ZFP30: variants seen among roughly 807,000 people sequenced by gnomAD.
ZFP30 encodes zinc finger protein 30 homolog.
A neutral mutation model predicts 12.3 loss-of-function variants in ZFP30; 16 were observed. The observed-to-expected ratio is 1.30, with a 90% confidence interval of 0.88 to 1.98. ZFP30 has a LOEUF of 1.98. Among genes scored for constraint, ZFP30 ranks in the 30% most tolerant of loss-of-function variants. The pLI is 0.00. For synonymous variants in ZFP30, 172 were observed against 201.0 expected (o/e 0.86, Z 1.22); for missense variants, 560 against 611.2 (o/e 0.92, Z 0.88).
chr19:37,641,454 A>C (rs1463178151), intron 5 of ZFP30, among the ~76,000 whole-genome samples: 1 of 152,216 alleles, frequency 6.6e-6, no homozygotes, highest in African/African-American at 2.4e-5. Context: ...AAAAACCTTT[A>C]TAACAGAGCA....
intron 5 of ZFP30, among the ~76,000 whole-genome samples, chr19:37,637,853 CTCTT>C: frequency 6.6e-6 from 1 of 152,274 alleles, no homozygotes; most frequent in East Asian, 1.9e-4. Flanking sequence ...ACTTATTATT[CTCTT>C]TATTTTCTTA....
Position 37,635,368 on chromosome 19 carries a change from A to G in ZFP30, c.1173T>C (p.Phe391=), listed in dbSNP as rs773142326. Residue 391 remains phenylalanine (F), a synonymous_variant, in exon 6 of 6, where the codon TTT becomes TTC. Coordinates refer to ENST00000684514, the MANE Select transcript of ZFP30 (RefSeq NM_001320669.3). ...PYECKECQKF[F]RRYSELISHQ... ...GTGAAATAAGTTCTGAGTAACGACGAAAGAACTTCTGACATTCCTTACATT... is the reference window on the plus strand; with the variant it reads ...GTGAAATAAGTTCTGAGTAACGACGGAAGAACTTCTGACATTCCTTACATT... 61 of 1,613,934 alleles carry G rather than the reference A, an allele frequency of 3.8e-5. No individual in the cohort carries two copies. Among genetic ancestry groups the G allele is most frequent in the Non-Finnish European group, 4.9e-5 (58 of 1,180,020 alleles).
intron 5 of ZFP30, among the ~76,000 whole-genome samples, chr19:37,638,596 G>C (rs12459013): frequency 0.17 from 26,576 of 152,096 alleles, 2,544 homozygotes; most frequent in Middle Eastern, 0.3. Flanking sequence ...GTTCATCAAT[G>C]GAAGAACAGC....
chr19:37,638,919 T>C (rs2044381803), intron 5 of ZFP30, among the ~76,000 whole-genome samples: 1 of 152,180 alleles, frequency 6.6e-6, no homozygotes, highest in Non-Finnish European at 1.5e-5. Context: ...GTGGTCACTG[T>C]GACAATTCAC....
In ZFP30 at chr19:37,634,923, C is replaced by A; in HGVS notation, c.*58G>T. 2 of 1,467,896 alleles carry A rather than the reference C, an allele frequency of 1.4e-6. No individual in the cohort carries two copies. Among genetic ancestry groups the A allele is most frequent in the Non-Finnish European group, 1.8e-6 (2 of 1,112,406 alleles). The allele number at this position is 1,467,896 out of a possible 1,614,324, so 90.9% of individuals were successfully genotyped here. A position where few individuals can be genotyped will look rare whatever the true frequency, so the allele number is the denominator to read the frequency against. ...ATTCCCACGTTCAAAAACCTTTCCT[C>A]TAGAATGTACTTCCTATGCTCAACA... is the stretch of plus-strand genomic sequence containing the variant. On this transcript the variant is annotated 3_prime_UTR_variant, in exon 6 of 6. Transcript: ENST00000684514.
intron 2 of ZFP30, among the ~76,000 whole-genome samples, chr19:37,649,738 C>T (rs903016620): frequency 6.6e-6 from 1 of 150,588 alleles, no homozygotes; most frequent in Non-Finnish European, 1.5e-5. Context: ...GTGGGAGGAT[C>T]GCCTGAGCCC....
rs2044283600 is a variant in ZFP30, at chr19:37,634,570, A to T, written c.*411T>A. The stretch of plus-strand genomic sequence containing the variant: ...GAATTTTCTAATAAAGAAGAACTTT[A>T]CCTCCTTAACTTCTGGTTGCCCTGA... On this transcript the variant is annotated 3_prime_UTR_variant, in exon 6 of 6. Transcript: ENST00000684514. The T allele has an allele frequency of 6.3e-6, 1 of 158,920 alleles. No individual in the cohort carries two copies. Among genetic ancestry groups the T allele is most frequent in the South Asian group, 2.0e-4 (1 of 4,896 alleles). 9.8% of individuals were successfully genotyped at this position (158,920 alleles called of 1,614,324 possible).
intron 5 of ZFP30, among the ~76,000 whole-genome samples, chr19:37,638,535 G>A (rs953491583): frequency 1.3e-5 from 2 of 152,182 alleles, no homozygotes; most frequent in African/African-American, 4.8e-5. Context: ...GTTAGAGTTA[G>A]GGTTAAAGCA....
At chr19:37,641,070 C>G (rs2044425272) in intron 5 of ZFP30, among the ~76,000 whole-genome samples, 1 of 152,156 alleles carries the variant, frequency 6.6e-6, no homozygotes, top group African/African-American at 2.4e-5. Flanking sequence ...GCCATTTCAC[C>G]AAGGAACCAG....
In ZFP30 at chr19:37,634,580, C is replaced by T. The variant is rs2044283815; in HGVS notation, c.*401G>A. ...ATAAAGAAGAACTTTACCTCCTTAA[C>T]TTCTGGTTGCCCTGAAATACAGTTC... is the stretch of plus-strand genomic sequence containing the variant. On this transcript the variant is annotated 3_prime_UTR_variant, in exon 6 of 6. Transcript: ENST00000684514. 1 of 161,042 alleles carries T rather than the reference C, an allele frequency of 6.2e-6. No homozygotes were observed. Among genetic ancestry groups the T allele is most frequent in the Non-Finnish European group, 1.3e-5 (1 of 74,562 alleles). The allele number at this position is 161,042 out of a possible 1,614,324, so 10.0% of individuals were successfully genotyped here.
rs777936388 is a variant in ZFP30 at position 37,635,544 on chromosome 19, T to C, written c.997A>G (p.Lys333Glu). 2 of 1,614,164 alleles carry C rather than the reference T, an allele frequency of 1.2e-6. No homozygotes were observed. The highest frequency in any genetic ancestry group is 1.7e-6 in the Non-Finnish European group (2 of 1,180,032). Residue 333 changes from lysine (K) to glutamate (E), a missense_variant, in exon 6 of 6, where the codon AAG becomes GAG. Physicochemically the swap from Lys to Glu is moderately conservative, Grantham distance 56 (BLOSUM62 1). Coordinates refer to ENST00000684514, the MANE Select transcript of ZFP30 (RefSeq NM_001320669.3). ...AGTTGCTGCCGCACTCTAAAGGCCT[T>C]TCCACACTCCTTACATTCATAGGGT... Reference protein sequence around the residue: ...EKPYECKECGKAFRVRQQLTL... With the variant: ...EKPYECKECGEAFRVRQQLTL...
chr19:37,636,953 C>T (rs2044340479), intron 5 of ZFP30, among the ~76,000 whole-genome samples: 3 of 151,944 alleles, frequency 2.0e-5, no homozygotes, highest in Admixed American at 6.6e-5. Flanking sequence ...TCAAGTGATC[C>T]GCCTGCCTCG....
chr19:37,643,115 G>T, intron 5 of ZFP30, 150 bp downstream of exon 5: 11 of 497,908 alleles, frequency 2.2e-5, no homozygotes, highest in East Asian at 3.7e-5. Context: ...TGGATGAAAT[G>T]TCTTTGATGG....
chr19:37,644,568 T>A, intron 4 of ZFP30, 42 bp downstream of exon 4: 1 of 1,512,854 alleles, frequency 6.6e-7, no homozygotes, highest in Non-Finnish European at 8.8e-7. Context: ...AATTCAGTCC[T>A]GTGAATGTCT....
rs112374443 is a variant in ZFP30 at position 37,650,863 on chromosome 19, G to A, written c.-77-2964C>T. On this transcript the variant is annotated intron_variant, in intron 2 of 5. Transcript: ENST00000684514. ...GATTCTCTGCCTGTCCCAGCCTCCC[G>A]AGTAGCTGGGATTACAGGCACACAC... Among the ~76,000 whole-genome samples the A allele has an allele frequency of 3.2e-3, 490 of 151,586 alleles. 2 individuals are homozygous for A. Among genetic ancestry groups the A allele is most frequent in the African/African-American group, 0.011 (456 of 41,300 alleles).
At chr19:37,656,159 G>T (rs1183598366), upstream of ZFP30, 2 of 152,712 alleles carry the variant, frequency 1.3e-5, no homozygotes, top group Admixed American at 6.5e-5. Flanking sequence ...TAGTGTTTCC[G>T]TGCACGGGGC....
intron 3 of ZFP30, among the ~76,000 whole-genome samples, chr19:37,645,158 T>G (rs1391779900): frequency 6.6e-6 from 1 of 150,862 alleles, no homozygotes; most frequent in African/African-American, 2.4e-5. Flanking sequence ...TGAGCCGAGA[T>G]CGCGCTACTG....
intron 5 of ZFP30, among the ~76,000 whole-genome samples, chr19:37,640,595 A>AT (rs2044414808): frequency 6.6e-6 from 1 of 151,470 alleles, no homozygotes; most frequent in African/African-American, 2.4e-5. Flanking sequence ...TTAATTAAAA[A>AT]TAAAATAGGG....
At chr19:37,647,733 G>A in intron 3 of ZFP30, 81 bp downstream of exon 3, 1 of 1,564,728 alleles carries the variant, frequency 6.4e-7, no homozygotes. Flanking sequence ...CTGTTAGAAA[G>A]TTGCAGAATA....
Sources: gnomAD v4.1 joint callset for allele counts (sites outside exome capture counted in the v4.1 genomes callset) on GRCh38, gnomAD v4.1.1 for gene constraint, MANE v1.5 for transcripts, NCBI Gene and HGNC (gene_info 2026-07-23, HGNC 2026-07-21) for gene names.